The following MYO3B variants were observed in gnomAD, a reference collection of about 807,000 sequenced individuals.
MYO3B encodes the protein myosin IIIB, also known as myosin-IIIb.
MYO3B carries 156 observed loss-of-function variants against 174.6 expected under a neutral mutation model. The ratio of observed to expected loss-of-function variants is 0.89; its 90% CI spans 0.78 to 1.02. The LOEUF (loss-of-function observed/expected upper bound fraction) is 1.02, where lower values mean the gene tolerates loss of function less well. MYO3B is among the 50% of genes least tolerant of loss of function. The pLI is 0.00. For missense variants in MYO3B, 1,632 were observed against 1,639.4 expected (o/e 1.00, Z 0.08); for synonymous variants, 563 against 569.1 (o/e 0.99, Z 0.15).
chr2:170,595,383 G>C (rs6719326), intron 32 of MYO3B, among the ~76,000 whole-genome samples: 58,784 of 151,880 alleles, frequency 0.39, 14,605 homozygotes, highest in African/African-American at 0.7. Context: ...CCTCATGTCT[G>C]TGCTGCATCT....
chr2:170,250,673 G>C lies in MYO3B; in HGVS notation c.749+14537G>C, dbSNP rs191886635. Reference sequence around the variant, plus strand: ...CCAGTGTGACAGCCTTCTGTATCCAGAGTTCTTGTCCAGTGTCCCGGAAGA... The same window carrying C: ...CCAGTGTGACAGCCTTCTGTATCCACAGTTCTTGTCCAGTGTCCCGGAAGA... On this transcript the variant is annotated intron_variant, in intron 7 of 34. Transcript: ENST00000408978. Among the ~76,000 whole-genome samples the C allele has an allele frequency of 5.4e-3, 828 of 152,314 alleles. 5 individuals carry two copies. Among genetic ancestry groups the C allele is most frequent in the Middle Eastern group, 0.031 (9 of 294 alleles).
intron 32 of MYO3B, among the ~76,000 whole-genome samples, chr2:170,632,336 G>A (rs868864282): frequency 9.9e-5 from 15 of 152,124 alleles, no homozygotes; most frequent in Admixed American, 6.6e-4. Flanking sequence ...ACTCAAAACC[G>A]CTCAACTACA....
intron 23 of MYO3B, among the ~76,000 whole-genome samples, chr2:170,450,174 AATAAC>A (rs557018738): frequency 2.6e-5 from 4 of 152,214 alleles, no homozygotes; most frequent in Non-Finnish European, 2.9e-5. Context: ...AACACATACA[AATAAC>A]ATATTTATAA....
chr2:170,250,859 C>T (rs567870949), intron 7 of MYO3B, among the ~76,000 whole-genome samples: 3 of 152,016 alleles, frequency 2.0e-5, no homozygotes, highest in East Asian at 2.0e-4. Context: ...CCCACTGTCC[C>T]GAGCCAAATT....
intron 32 of MYO3B, among the ~76,000 whole-genome samples, chr2:170,637,567 T>G (rs1319948445): frequency 2.6e-5 from 4 of 152,152 alleles, no homozygotes; most frequent in African/African-American, 9.7e-5. Flanking sequence ...TCAGATCTCT[T>G]GCAACCTCCT....
intron 23 of MYO3B, among the ~76,000 whole-genome samples, chr2:170,457,758 CT>C (rs533158574): frequency 2.0e-5 from 3 of 152,106 alleles, no homozygotes; most frequent in Non-Finnish European, 4.4e-5. Flanking sequence ...AAAATAATTA[CT>C]TTTTTGTTTC....
intron 7 of MYO3B, among the ~76,000 whole-genome samples, chr2:170,335,094 G>A (rs2093938182): frequency 6.6e-6 from 1 of 152,098 alleles, no homozygotes; most frequent in Non-Finnish European, 1.5e-5. Context: ...TAGTTTGTGT[G>A]CTTGCCTCAC....
At position 170,491,209 on chromosome 2, in the gene MYO3B, T is replaced by G. The variant is rs567190721; in HGVS notation, c.3015-7383T>G. Among the ~76,000 whole-genome samples, 3 of 152,308 alleles carry G rather than the reference T, an allele frequency of 2.0e-5. No homozygotes were observed. In the East Asian group the frequency reaches 5.8e-4, roughly 29 times the overall value. On this transcript the variant is annotated intron_variant, in intron 25 of 34. Transcript: ENST00000408978. ...AACACTATACATTTCTAAATACTGC[T>G]TTAGCAATCAAATCTTGATACATTG...
intron 32 of MYO3B, among the ~76,000 whole-genome samples, chr2:170,627,030 A>T (rs2105360638): frequency 6.6e-6 from 1 of 151,616 alleles, no homozygotes; most frequent in South Asian, 2.1e-4. Context: ...TGTGTCTTGG[A>T]GTTGCTCTTC....
intron 25 of MYO3B, among the ~76,000 whole-genome samples, chr2:170,469,757 T>C (rs1421366222): frequency 6.6e-6 from 1 of 152,148 alleles, no homozygotes; most frequent in Admixed American, 6.5e-5. Context: ...TTTGTTATTA[T>C]TAACAGCTCA....
intron 32 of MYO3B, among the ~76,000 whole-genome samples, chr2:170,544,369 C>T (rs76030056): frequency 0.023 from 3,478 of 152,302 alleles, 55 homozygotes; most frequent in Middle Eastern, 0.034. Context: ...GCCCTTTTGG[C>T]AACATGGCCA....
intron 32 of MYO3B, among the ~76,000 whole-genome samples, chr2:170,578,963 A>G (rs1173743491): frequency 6.6e-6 from 1 of 152,246 alleles, no homozygotes; most frequent in Non-Finnish European, 1.5e-5. Context: ...GGAAGTTCAC[A>G]TTCTGATTAG....
At position 170,653,930 on chromosome 2, in the gene MYO3B, T is replaced by TATCA. The variant is rs1316666137; in HGVS notation, c.*810_*813dup. 1 of 152,228 alleles carries TATCA rather than the reference T, an allele frequency of 6.6e-6. No homozygotes were observed. The highest frequency in any genetic ancestry group is 1.5e-5 in the Non-Finnish European group (1 of 68,080). The allele number at this position is 152,228 out of a possible 1,614,324, so 9.4% of individuals were successfully genotyped here. A position where few individuals can be genotyped will look rare whatever the true frequency, so the allele number is the denominator to read the frequency against. ...CACTGGTCAAATAACTCCATGAGGCTATCAGTGGCTACAGTGGAAGGACCT... is the reference window on the plus strand; with the variant it reads ...CACTGGTCAAATAACTCCATGAGGCTATCAATCAGTGGCTACAGTGGAAGGACCT... On this transcript the variant is annotated 3_prime_UTR_variant, in exon 35 of 35. Transcript: ENST00000408978.
At chr2:170,430,553 G>C (rs2094700945) in intron 22 of MYO3B, among the ~76,000 whole-genome samples, 1 of 151,968 alleles carries the variant, frequency 6.6e-6, no homozygotes, top group Non-Finnish European at 1.5e-5. Flanking sequence ...TGTATTTTTA[G>C]TACAGATGGG....
intron 29 of MYO3B, among the ~76,000 whole-genome samples, chr2:170,515,960 G>A (rs1688276634): frequency 6.6e-6 from 1 of 152,108 alleles, no homozygotes; most frequent in Non-Finnish European, 1.5e-5. Flanking sequence ...TGGGGATGGA[G>A]ACAATGAGAA....
chr2:170,226,220 G>A (rs1358951322), intron 6 of MYO3B, among the ~76,000 whole-genome samples: 1 of 152,170 alleles, frequency 6.6e-6, no homozygotes, highest in African/African-American at 2.4e-5. Flanking sequence ...AGGAATGCAG[G>A]CTTTGGGAGC....
intron 32 of MYO3B, among the ~76,000 whole-genome samples, chr2:170,610,992 A>C (rs1695096279): frequency 6.6e-6 from 1 of 152,232 alleles, no homozygotes; most frequent in African/African-American, 2.4e-5. Context: ...GTAGTTGCAG[A>C]TCCATGAGAC....
rs116006887 is a variant in MYO3B, at chr2:170,578,728, T to G, written c.3733+34740T>G. On this transcript the variant is annotated intron_variant, in intron 32 of 34. Transcript: ENST00000408978. ...ATATTTCCGATGTTCACTGTGAAACTTGCTTTAACAAGTAGATATTGTGGT... is the reference window on the plus strand; with the variant it reads ...ATATTTCCGATGTTCACTGTGAAACGTGCTTTAACAAGTAGATATTGTGGT... 4.7e-3 allele frequency among the ~76,000 whole-genome samples: 720 copies of G among 152,376 alleles called. 7 individuals are homozygous for G. Among genetic ancestry groups the G allele is most frequent in the African/African-American group, 0.015 (608 of 41,590 alleles).
chr2:170,483,720 G>A (rs1462734334), intron 25 of MYO3B, among the ~76,000 whole-genome samples: 1 of 152,132 alleles, frequency 6.6e-6, no homozygotes, highest in Non-Finnish European at 1.5e-5. Context: ...AAAAGAAAAA[G>A]CAATGAAGAA....
Sources: allele counts gnomAD v4.1 joint callset (sites outside exome capture counted in the v4.1 genomes callset), GRCh38; gene constraint gnomAD v4.1.1; transcripts MANE v1.5; gene names NCBI Gene and HGNC (gene_info 2026-07-23, HGNC 2026-07-21).